Variants in SBF1 observed in about 807,000 individuals in gnomAD.
SBF1 encodes the protein SET binding factor 1.
Under a neutral mutation model 215.8 loss-of-function variants are expected in SBF1, and 65 were observed. The observed-to-expected ratio is 0.30, with a 90% confidence interval of 0.25 to 0.37. The LOEUF (loss-of-function observed/expected upper bound fraction) is 0.37, where lower values mean the gene tolerates loss of function less well. Among genes scored for constraint, SBF1 ranks in the 10% least tolerant of loss-of-function variants. SBF1 has a pLI of 1.00. For synonymous variants in SBF1, 1,410 were observed against 1,122.8 expected (o/e 1.26, Z -5.11); for missense variants, 2,634 against 2,667.8 (o/e 0.99, Z 0.28).
At position 50,462,231 on chromosome 22, in the gene SBF1, G is replaced by A. The variant is rs112764601; in HGVS notation, c.2370C>T (p.Ser790=). The A allele has an allele frequency of 1.5e-4, 242 of 1,607,938 alleles. 1 individual carries two copies. In the African/African-American group the frequency reaches 2.3e-3, roughly 16 times the overall value. ...RERAGLGDLE[S]ASNSLVTNSM... ...TGTTGGTGACCAGGCTGTTGCTGGC[G>A]CTCTCCAGGTCGCCCAGCCCGGCAC... is the stretch of plus-strand genomic sequence containing the variant. Residue 790 remains serine, a synonymous_variant, in exon 19 of 41, where the codon AGC becomes AGT. Coordinates refer to ENST00000380817, the MANE Select transcript of SBF1 (RefSeq NM_002972.4).
chr22:50,457,343 G>A (rs1345321258), intron 28 of SBF1: 8 of 431,834 alleles, frequency 1.9e-5, no homozygotes, highest in African/African-American at 4.1e-5. Context: ...AGGGCTATGC[G>A]GTGGGGATCC....
At chr22:50,473,124 C>A (rs2068053358) in intron 1 of SBF1, among the ~76,000 whole-genome samples, 1 of 152,222 alleles carries the variant, frequency 6.6e-6, no homozygotes, top group Middle Eastern at 3.4e-3. Flanking sequence ...CTCTGCCTAC[C>A]TTCAACTCCT....
At chr22:50,469,426 C>T (rs5771044) in intron 1 of SBF1, among the ~76,000 whole-genome samples, 120,694 of 152,206 alleles carry the variant, frequency 0.79, 48,346 homozygotes, top group East Asian at 0.96. Flanking sequence ...CAGTCCACAC[C>T]GGTGGGGTAA....
chr22:50,467,495 C>A (rs768505984), intron 4 of SBF1, 37 bp downstream of exon 4: 3 of 1,613,708 alleles, frequency 1.9e-6, no homozygotes, highest in Admixed American at 3.3e-5. Flanking sequence ...ATGGAAGCAC[C>A]CTCGTCGTGC....
chr22:50,462,289 A>G lies in SBF1; in HGVS notation c.2312T>C (p.Leu771Pro), dbSNP rs374958663. 46 of 1,613,208 alleles carry G rather than the reference A, an allele frequency of 2.9e-5. No homozygotes were observed. The highest frequency in any genetic ancestry group is 3.7e-5 in the Non-Finnish European group (44 of 1,180,008). Reference sequence around the variant, plus strand: ...AAGTAGGCGGCTCTTGCTGCTGTCCAGGGGCAGGAGGAGGTAGCTCATGCG... The same window carrying G: ...AAGTAGGCGGCTCTTGCTGCTGTCCGGGGGCAGGAGGAGGTAGCTCATGCG... ...ANRMSYLLLP[L>P]DSSKSRLLRE... Residue 771 changes from leucine to proline, a missense_variant, in exon 19 of 41, where the codon CTG becomes CCG. Transcript: ENST00000380817.
At chr22:50,468,530 A>T (rs559494285) in intron 1 of SBF1, 69 bp from the exon 2 acceptor site, 1 of 1,017,752 alleles carries the variant, frequency 9.8e-7, no homozygotes, top group Admixed American at 3.1e-5. Context: ...TGAGGATCCC[A>T]GGGTGGAAAC....
chr22:50,464,898 G>C lies in SBF1; in HGVS notation c.1352C>G (p.Ala451Gly). 6.2e-7 allele frequency: 1 copy of C among 1,613,758 alleles called. No homozygotes were observed. The highest frequency in any genetic ancestry group is 8.5e-7 in the Non-Finnish European group (1 of 1,180,020). ...LFDELVAHEV[A>G]RMRADENHPQ... ...GTGGTTCTCATCCGCCCGCATCCTT[G>C]CCACCTCGTGGGCCACCAGCTAGCG... Residue 451 changes from alanine to glycine, a missense_variant, in exon 13 of 41, where the codon GCA (alanine) becomes GGA (glycine). Physicochemically the swap from Ala to Gly is moderately conservative, Grantham distance 60 (BLOSUM62 0). Coordinates refer to ENST00000380817, the MANE Select transcript of SBF1 (RefSeq NM_002972.4).
chr22:50,456,900 G>T, intron 29 of SBF1, 134 bp downstream of exon 29: 1 of 807,448 alleles, frequency 1.2e-6, no homozygotes, highest in South Asian at 2.1e-5. Context: ...GGGAGGTAAG[G>T]ACTGGGGCTC....
intron 32 of SBF1, 29 bp downstream of exon 32, chr22:50,455,452 G>A: frequency 6.2e-7 from 1 of 1,612,310 alleles, no homozygotes; most frequent in Non-Finnish European, 8.5e-7. Context: ...CCGGGAGCCT[G>A]GCCCACCCCA....
chr22:50,460,757 G>A lies in SBF1; in HGVS notation c.2968-45C>T, dbSNP rs754136224. 11 of 1,579,752 alleles carry A rather than the reference G, an allele frequency of 7.0e-6. No homozygotes were observed. The East Asian group carries it at 2.2e-4, about 32-fold the overall frequency. ...CCTTAGGGGTGTGGGTGGCCCCCCA[G>A]CCCCTCCCCCAACTCTGACACTGCC... On this transcript the variant is annotated intron_variant, in intron 23 of 40. Transcript: ENST00000380817.
chr22:50,465,712 G>A (rs1277659973), intron 10 of SBF1, 51 bp downstream of exon 10: 1 of 1,512,992 alleles, frequency 6.6e-7, no homozygotes, highest in African/African-American at 1.4e-5. Context: ...ACCTGAGTGG[G>A]GGCAGCCTAA....
intron 36 of SBF1, among the ~76,000 whole-genome samples, chr22:50,449,821 A>G (rs924835587): frequency 1.4e-4 from 22 of 152,252 alleles, no homozygotes; most frequent in African/African-American, 5.3e-4. Context: ...ATGACAGATA[A>G]TTAGTCTGAA....
At chr22:50,473,165 C>T (rs1230790935) in intron 1 of SBF1, among the ~76,000 whole-genome samples, 4 of 152,200 alleles carry the variant, frequency 2.6e-5, no homozygotes, top group African/African-American at 9.7e-5. Flanking sequence ...TCCCACCTGG[C>T]CTTTGCCTGC....
chr22:50,463,922 A>G (rs932392250), intron 15 of SBF1, among the ~76,000 whole-genome samples: 1 of 152,278 alleles, frequency 6.6e-6, no homozygotes, highest in East Asian at 1.9e-4. Context: ...CACAGAGAGC[A>G]AAACAGCAGG....
chr22:50,454,472 G>T, intron 36 of SBF1, 40 bp downstream of exon 36: 1 of 1,542,296 alleles, frequency 6.5e-7, no homozygotes, highest in Non-Finnish European at 8.9e-7. Context: ...GCGAGAGGAG[G>T]GGGGTGCCAG....
rs995797510 is a variant in SBF1, at chr22:50,466,495, G to A, written c.656-13C>T. 13 of 1,537,632 alleles carry A rather than the reference G, an allele frequency of 8.5e-6. No homozygotes were observed. Among genetic ancestry groups the A allele is most frequent in the Non-Finnish European group, 1.1e-5 (12 of 1,137,614 alleles). ...ACGTTGGTGATGCCTAAAGGAAGAA[G>A]AGAAGCTTGGAGAGGACCCTGGGCC... On this transcript the variant is annotated splice_polypyrimidine_tract_variant and intron_variant, in intron 6 of 40. Coordinates refer to ENST00000380817, the MANE Select transcript of SBF1 (RefSeq NM_002972.4).
At chr22:50,471,655 G>A (rs1043440754) in intron 1 of SBF1, among the ~76,000 whole-genome samples, 6 of 152,080 alleles carry the variant, frequency 3.9e-5, no homozygotes, top group Non-Finnish European at 8.8e-5. Context: ...GCCATGCGCA[G>A]GGCCCCTGCA....
intron 29 of SBF1, 82 bp downstream of exon 29, chr22:50,456,952 G>A: frequency 3.4e-6 from 4 of 1,164,024 alleles, no homozygotes; most frequent in Non-Finnish European, 4.6e-6. Context: ...GGAGACATTA[G>A]TGCCCGCAAT....
intron 28 of SBF1, among the ~76,000 whole-genome samples, chr22:50,458,075 G>A (rs1250586504): frequency 6.6e-6 from 1 of 152,104 alleles, no homozygotes; most frequent in Non-Finnish European, 1.5e-5. Flanking sequence ...CGAGGCGGGC[G>A]GATCACCAGG....
Sources: gnomAD v4.1 joint callset for allele counts (sites outside exome capture counted in the v4.1 genomes callset) on GRCh38, gnomAD v4.1.1 for gene constraint, MANE v1.5 for transcripts, NCBI Gene and HGNC (gene_info 2026-07-23, HGNC 2026-07-21) for gene names.